Variants in SHOC1 observed in about 807,000 individuals in gnomAD.
SHOC1 encodes shortage in chiasmata 1.
A neutral mutation model predicts 179.2 loss-of-function variants in SHOC1; 136 were observed. That is an observed-to-expected ratio of 0.76 (90% CI 0.66 to 0.87). The LOEUF is 0.87. Ranked by LOEUF, SHOC1 falls within the 40% of genes least tolerant of loss-of-function variation. SHOC1 has a pLI of 0.00. For missense variants in SHOC1, 1,538 were observed against 1,700.8 expected (o/e 0.90, Z 1.68); for synonymous variants, 489 against 586.6 (o/e 0.83, Z 2.41).
At chr9:111,691,438 GAGA>G (rs1401902816) in intron 27 of SHOC1, 110 bp downstream of exon 27, 1 of 907,162 alleles carries the variant, frequency 1.1e-6, no homozygotes, top group Non-Finnish European at 1.6e-6. Flanking sequence ...ACAGTTATTA[GAGA>G]AGTTTTTTAA....
chr9:111,732,662 T>C (rs753489751), intron 12 of SHOC1, among the ~76,000 whole-genome samples: 3 of 152,168 alleles, frequency 2.0e-5, no homozygotes, highest in Non-Finnish European at 4.4e-5. Flanking sequence ...AACAAACTTA[T>C]ACTATTTCAT....
chr9:111,706,752 G>C lies in SHOC1; in HGVS notation c.2559-6C>G. Reference sequence around the variant, plus strand: ...CAACTACACAGGAACTTGTACTAAAGACAAAAGAGAGCCAAGAAAATGGCA... The same window carrying C: ...CAACTACACAGGAACTTGTACTAAACACAAAAGAGAGCCAAGAAAATGGCA... On this transcript the variant is annotated splice_polypyrimidine_tract_variant and splice_region_variant and intron_variant, in intron 19 of 27. Transcript: ENST00000682961. The C allele has an allele frequency of 1.3e-6, 2 of 1,555,846 alleles. No individual in the cohort carries two copies. The highest frequency in any genetic ancestry group is 2.8e-5 in the African/African-American group (2 of 71,818).
At chr9:111,789,149 C>CTA (rs1554724953) in intron 2 of SHOC1, among the ~76,000 whole-genome samples, 303 of 152,024 alleles carry the variant, frequency 2.0e-3, no homozygotes, top group Non-Finnish European at 3.8e-3. Flanking sequence ...ATTCTCAAGA[C>CTA]TTTAATGTTT....
At chr9:111,710,418 T>C (rs1832488022) in intron 18 of SHOC1, among the ~76,000 whole-genome samples, 1 of 152,210 alleles carries the variant, frequency 6.6e-6, no homozygotes, top group African/African-American at 2.4e-5. Context: ...TATGTGGCTA[T>C]ATTTGTATAT....
chr9:111,763,320 A>C (rs1036049171), intron 5 of SHOC1, among the ~76,000 whole-genome samples: 1 of 152,106 alleles, frequency 6.6e-6, no homozygotes, highest in African/African-American at 2.4e-5. Flanking sequence ...TCTACATGGA[A>C]GGATACACCA....
chr9:111,791,184 G>C (rs544133281), intron 2 of SHOC1, among the ~76,000 whole-genome samples, 190 bp downstream of exon 2: 7 of 151,980 alleles, frequency 4.6e-5, no homozygotes, highest in African/African-American at 1.7e-4. Flanking sequence ...GTTTAGACTT[G>C]GGTCTTATCC....
rs1314535671 is a variant in SHOC1, at chr9:111,786,027, A to G, written c.54T>C (p.Val18=). The G allele has an allele frequency of 1.3e-6, 2 of 1,489,280 alleles. No homozygotes were observed. Among genetic ancestry groups the G allele is most frequent in the African/African-American group, 2.9e-5 (2 of 69,610 alleles). 92.3% of individuals were successfully genotyped at this position (1,489,280 alleles called of 1,614,324 possible). A position where few individuals can be genotyped will look rare whatever the true frequency, so the allele number is the denominator to read the frequency against. Residue 18 remains valine, a synonymous_variant, in exon 3 of 28, where the codon GTT becomes GTC. Coordinates refer to ENST00000682961, the MANE Select transcript of SHOC1 (RefSeq NM_001378211.1). ...AAGCATCTCTGTAAAACTTCTTTCTAACCACATTCTGTGGAAGAAAGAAAG... is the reference window on the plus strand; with the variant it reads ...AAGCATCTCTGTAAAACTTCTTTCTGACCACATTCTGTGGAAGAAAGAAAG... ...HAIDYLYENV[V]RKKFYRDALL...
intron 8 of SHOC1, among the ~76,000 whole-genome samples, chr9:111,750,895 GT>G (rs1564147240): frequency 6.6e-6 from 1 of 152,056 alleles, no homozygotes; most frequent in African/African-American, 2.4e-5. Context: ...TGCTTTTGGC[GT>G]TTTCGTCATG....
At chr9:111,740,847 C>A (rs1286932265) in intron 11 of SHOC1, among the ~76,000 whole-genome samples, 1 of 152,202 alleles carries the variant, frequency 6.6e-6, no homozygotes, top group African/African-American at 2.4e-5. Context: ...GCTGGGATTA[C>A]AAGTGTGAGC....
chr9:111,692,287 G>C lies in SHOC1; in HGVS notation c.3690C>G (p.Asn1230Lys), dbSNP rs777633205. The C allele has an allele frequency of 6.2e-7, 1 of 1,613,464 alleles. No homozygotes were observed. The highest frequency in any genetic ancestry group is 1.1e-5 in the South Asian group (1 of 91,062). ...QEDKTTILND[N>K]SSIMELKEIS... Reference sequence around the variant, plus strand: ...TTTCTTTTAGTTCCATAATGGAAGAGTTGTCATTCAAAATGGTGGTTTTGT... The same window carrying C: ...TTTCTTTTAGTTCCATAATGGAAGACTTGTCATTCAAAATGGTGGTTTTGT... Residue 1230 changes from asparagine to lysine, a missense_variant, in exon 27 of 28, where the codon AAC becomes AAG. Asn to Lys is a moderately conservative substitution (Grantham distance 94). Transcript: ENST00000682961.
chr9:111,703,826 A>G, intron 22 of SHOC1, 55 bp downstream of exon 22: 1 of 833,322 alleles, frequency 1.2e-6, no homozygotes, highest in Non-Finnish European at 1.9e-6. Flanking sequence ...ATAACAAATT[A>G]CATAGCCATA....
Position 111,781,019 on chromosome 9 carries a change from T to A in SHOC1, c.170-2A>T, listed in dbSNP as rs375799601. On this transcript the variant is annotated splice_acceptor_variant, in intron 3 of 27. Coordinates refer to ENST00000682961, the MANE Select transcript of SHOC1 (RefSeq NM_001378211.1). LOFTEE classifies it high-confidence loss of function. The stretch of plus-strand genomic sequence containing the variant: ...TTCCCGGAACTGAAACAGCTGAGAC[T>A]AGAAAGGATAATAGTTAACATTAAT... 1 of 1,607,432 alleles carries A rather than the reference T, an allele frequency of 6.2e-7. No homozygotes were observed. Among genetic ancestry groups the A allele is most frequent in the African/African-American group, 1.3e-5 (1 of 74,854 alleles).
intron 5 of SHOC1, among the ~76,000 whole-genome samples, chr9:111,767,013 A>T (rs1237156227): frequency 7.2e-6 from 1 of 139,236 alleles, no homozygotes; most frequent in Non-Finnish European, 1.5e-5. Flanking sequence ...GTGTCTGTTC[A>T]TATCTTTTGC....
At chr9:111,775,153 C>T (rs1329105482) in intron 5 of SHOC1, among the ~76,000 whole-genome samples, 7 of 151,928 alleles carry the variant, frequency 4.6e-5, no homozygotes, top group Non-Finnish European at 7.4e-5. Flanking sequence ...TGCCACCATG[C>T]CTGGCTAATT....
Position 111,758,074 on chromosome 9 carries a change from G to T in SHOC1, c.708+10C>A. ...TTTACTAAAATATTATTGAAAGCCA[G>T]TATTACAACCTCATTTAAACATATT... On this transcript the variant is annotated intron_variant, in intron 7 of 27. Coordinates refer to ENST00000682961, the MANE Select transcript of SHOC1 (RefSeq NM_001378211.1). 1.5e-6 allele frequency: 2 copies of T among 1,342,312 alleles called. No individual in the cohort carries two copies. Among genetic ancestry groups the T allele is most frequent in the Admixed American group, 2.2e-5 (1 of 45,004 alleles). The allele number at this position is 1,342,312 out of a possible 1,614,324, so 83.2% of individuals were successfully genotyped here. A position where few individuals can be genotyped will look rare whatever the true frequency, so the allele number is the denominator to read the frequency against.
At chr9:111,758,910 TAG>T (rs765096419) in intron 5 of SHOC1, 62 bp from the exon 6 acceptor site, 42 of 1,033,384 alleles carry the variant, frequency 4.1e-5, no homozygotes, top group Non-Finnish European at 5.7e-5. Flanking sequence ...CAAAGAGATC[TAG>T]ATAGTTAATG....
chr9:111,710,033 A>C (rs1197417901), intron 18 of SHOC1, among the ~76,000 whole-genome samples: 2 of 152,192 alleles, frequency 1.3e-5, no homozygotes, highest in African/African-American at 4.8e-5. Flanking sequence ...CTTCACAAAA[A>C]TATTCCTTTG....
Position 111,781,132 on chromosome 9 carries a change from AT to A in SHOC1, c.170-116del, listed in dbSNP as rs1319264030. 7.6e-5 allele frequency: 55 copies of A among 720,594 alleles called. No individual in the cohort carries two copies. In the East Asian group the frequency reaches 1.4e-3, roughly 18 times the overall value. The allele number at this position is 720,594 out of a possible 1,614,324, so 44.6% of individuals were successfully genotyped here. A position where few individuals can be genotyped will look rare whatever the true frequency, so the allele number is the denominator to read the frequency against. On this transcript the variant is annotated intron_variant, in intron 3 of 27. Transcript: ENST00000682961. ...TTTATCTTTATTTATTCACAAATGT[AT>A]TTTTTCAAAGTGATACCTGATTCCA...
At chr9:111,744,492 A>G (rs1468795732) in intron 10 of SHOC1, among the ~76,000 whole-genome samples, 6 of 152,188 alleles carry the variant, frequency 3.9e-5, no homozygotes, top group Non-Finnish European at 8.8e-5. Context: ...TCCTGAGACC[A>G]TTAATAGAAG....
Sources: gnomAD v4.1 joint callset for allele counts (sites outside exome capture counted in the v4.1 genomes callset) on GRCh38, gnomAD v4.1.1 for gene constraint, MANE v1.5 for transcripts, NCBI Gene and HGNC (gene_info 2026-07-23, HGNC 2026-07-21) for gene names.